The following PPARA variants were observed in gnomAD, a reference collection of about 807,000 sequenced individuals.
PPARA encodes peroxisome proliferator-activated receptor alpha.
A neutral mutation model predicts 42.2 loss-of-function variants in PPARA; 22 were observed. The ratio of observed to expected loss-of-function variants is 0.52; its 90% confidence interval spans 0.37 to 0.74. The LOEUF is 0.74. Ranked by LOEUF, PPARA falls within the 30% of genes least tolerant of loss-of-function variation. The probability of loss-of-function intolerance (pLI) is 0.00; values close to 1 mark genes in which losing one functional copy is unlikely to be tolerated. For missense variants in PPARA, 465 were observed against 608.2 expected (o/e 0.76, Z 2.48); for synonymous variants, 242 against 239.3 (o/e 1.01, Z -0.10).
chr22:46,170,264 G>A (rs991537738), intron 2 of PPARA, among the ~76,000 whole-genome samples: 1 of 150,962 alleles, frequency 6.6e-6, no homozygotes, highest in Non-Finnish European at 1.5e-5. Context: ...GTTTTGTTTT[G>A]TTGAGACACG....
At chr22:46,178,709 C>T (rs1434378722) in intron 3 of PPARA, among the ~76,000 whole-genome samples, 1 of 152,098 alleles carries the variant, frequency 6.6e-6, no homozygotes, top group Non-Finnish European at 1.5e-5. Context: ...GGAACAGTGC[C>T]CAGTACTTGT....
At chr22:46,151,376 C>G (rs750774648) in intron 1 of PPARA, among the ~76,000 whole-genome samples, 1 of 152,350 alleles carries the variant, frequency 6.6e-6, no homozygotes, top group South Asian at 2.1e-4. Context: ...GTCGGGCGCC[C>G]AGGTCTTTCC....
At position 46,160,907 on chromosome 22, in the gene PPARA, CT is replaced by C. The variant is rs1926065934; in HGVS notation, c.-127+8940del. ...TCATGATGTCCAGCCCAGTATTTTTCTTTCACTCTGGAAACCAAAAATTATT... is the reference window on the plus strand; with the variant it reads ...TCATGATGTCCAGCCCAGTATTTTTCTTCACTCTGGAAACCAAAAATTATT... On this transcript the variant is annotated intron_variant, in intron 2 of 8. Coordinates refer to ENST00000407236, the MANE Select transcript of PPARA (RefSeq NM_005036.6). This position sits in a 1 kb window ranked among gnomAD's most constrained non-coding sequence, Gnocchi z 4.5. Among the ~76,000 whole-genome samples, 2 of 152,178 alleles carry C rather than the reference CT, an allele frequency of 1.3e-5. No homozygotes were observed.
At chr22:46,223,725 G>A (rs1053613772) in intron 7 of PPARA, among the ~76,000 whole-genome samples, 6 of 151,558 alleles carry the variant, frequency 4.0e-5, no homozygotes, top group East Asian at 3.9e-4. Context: ...AGAGGAGGGC[G>A]GATTACCTGA....
In PPARA at chr22:46,216,099, T is replaced by C. The variant is rs183034135; in HGVS notation, c.369+766T>C. On this transcript the variant is annotated intron_variant, in intron 5 of 8. Transcript: ENST00000407236. The surrounding 1 kb of genome is among the most constrained non-coding windows in gnomAD (Gnocchi z 4.5). ...TTCTTTAAAAGAAAATAAGTCACATTGGACCGGGTGCAGTGGCTCACGCCT... is the reference window on the plus strand; with the variant it reads ...TTCTTTAAAAGAAAATAAGTCACATCGGACCGGGTGCAGTGGCTCACGCCT... Among the ~76,000 whole-genome samples the C allele has an allele frequency of 1.3e-5, 2 of 152,244 alleles. No individual in the cohort carries two copies. The highest frequency in any genetic ancestry group is 6.5e-5 in the Admixed American group (1 of 15,294).
At chr22:46,198,314 C>A in intron 3 of PPARA, 28 bp from the exon 4 acceptor site, 2 of 1,278,874 alleles carry the variant, frequency 1.6e-6, no homozygotes, top group Non-Finnish European at 2.3e-6. Flanking sequence ...ATACGTCAGT[C>A]TTACCAATTG....
At position 46,242,468 on chromosome 22, in the gene PPARA, A is replaced by T. The variant is rs45576734; in HGVS notation, c.*7088A>T. ...TTGGTAAAGTTACAGTGTTCATGTT[A>T]AATATCACTTTTTTCTACATTGTGT... On this transcript the variant is annotated 3_prime_UTR_variant, in exon 9 of 9. Transcript: ENST00000407236. The surrounding 1 kb of genome is among the most constrained non-coding windows in gnomAD (Gnocchi z 6.1). The T allele has an allele frequency of 1.3e-5, 2 of 152,604 alleles. No homozygotes were observed. The highest frequency in any genetic ancestry group is 1.3e-4 in the Admixed American group (2 of 15,288). 9.5% of individuals were successfully genotyped at this position (152,604 alleles called of 1,614,324 possible). A position where few individuals can be genotyped will look rare whatever the true frequency, so the allele number is the denominator to read the frequency against.
At position 46,224,614 on chromosome 22, in the gene PPARA, C is replaced by T. The variant is rs960648577; in HGVS notation, c.711+4600C>T. On this transcript the variant is annotated intron_variant, in intron 7 of 8. Coordinates refer to ENST00000407236, the MANE Select transcript of PPARA (RefSeq NM_005036.6). The surrounding 1 kb of genome is among the most constrained non-coding windows in gnomAD (Gnocchi z 5.7). ...GAAGGCACACTGACCTCAGGGCCGGCGGCTGACTTCATTTCTGTTTGGGGA... is the reference window on the plus strand; with the variant it reads ...GAAGGCACACTGACCTCAGGGCCGGTGGCTGACTTCATTTCTGTTTGGGGA... 1.4e-4 allele frequency among the ~76,000 whole-genome samples: 21 copies of T among 152,128 alleles called. No homozygotes were observed. Among genetic ancestry groups the T allele is most frequent in the African/African-American group, 4.8e-4 (20 of 41,428 alleles).
At chr22:46,153,022 G>A (rs899916787) in intron 2 of PPARA, among the ~76,000 whole-genome samples, 4 of 152,186 alleles carry the variant, frequency 2.6e-5, no homozygotes, top group African/African-American at 9.7e-5. Context: ...GGAGGTGAAG[G>A]TTTTAGTGAA....
chr22:46,198,300 T>C, intron 3 of PPARA, 42 bp from the exon 4 acceptor site: 2 of 998,330 alleles, frequency 2.0e-6, no homozygotes. Flanking sequence ...AAGTGAACGT[T>C]GTTATACGTC....
At chr22:46,206,594 A>G (rs957473691) in intron 4 of PPARA, among the ~76,000 whole-genome samples, 1 of 152,162 alleles carries the variant, frequency 6.6e-6, no homozygotes, top group Non-Finnish European at 1.5e-5. Context: ...TTATGACAGT[A>G]TACTTTCATT....
At chr22:46,214,941 A>G (rs1461212634) in intron 4 of PPARA, among the ~76,000 whole-genome samples, 1 of 152,122 alleles carries the variant, frequency 6.6e-6, no homozygotes, top group Non-Finnish European at 1.5e-5. Context: ...GCTCGGGGTC[A>G]GCTCAGCAGC....
chr22:46,180,656 C>T lies in PPARA; in HGVS notation c.-43+3820C>T, dbSNP rs750626504. On this transcript the variant is annotated intron_variant, in intron 3 of 8. Transcript: ENST00000407236. The surrounding 1 kb of genome is among the most constrained non-coding windows in gnomAD (Gnocchi z 4.2). ...GCTTCCTGCCTCACATATTTCCTGC[C>T]TCAAGATGCGTAAAAGGTACTTGCC... Among the ~76,000 whole-genome samples, 26 of 152,156 alleles carry T rather than the reference C, an allele frequency of 1.7e-4. No individual in the cohort carries two copies. Among genetic ancestry groups the T allele is most frequent in the Non-Finnish European group, 3.1e-4 (21 of 68,028 alleles).
chr22:46,217,006 A>G (rs1467982890), intron 5 of PPARA, among the ~76,000 whole-genome samples: 1 of 152,146 alleles, frequency 6.6e-6, no homozygotes, highest in Non-Finnish European at 1.5e-5. Context: ...GGCACAATGT[A>G]CCATCTTGGA....
rs1047717476 is a variant in PPARA at position 46,231,470 on chromosome 22, C to T, written c.712-322C>T. On this transcript the variant is annotated intron_variant, in intron 7 of 8. Coordinates refer to ENST00000407236, the MANE Select transcript of PPARA (RefSeq NM_005036.6). This position sits in a 1 kb window ranked among gnomAD's most constrained non-coding sequence, Gnocchi z 7.7. ...TCTTGACCTCAGGTAAACCACCCAC[C>T]TCAGCCTCCCAAAGTTCTGGGATTA... Among the ~76,000 whole-genome samples the T allele has an allele frequency of 2.0e-5, 3 of 152,200 alleles. No individual in the cohort carries two copies. Among genetic ancestry groups the T allele is most frequent in the African/African-American group, 7.2e-5 (3 of 41,440 alleles).
intron 7 of PPARA, among the ~76,000 whole-genome samples, chr22:46,229,550 C>T (rs1404185987): frequency 2.7e-5 from 4 of 150,352 alleles, no homozygotes; most frequent in Non-Finnish European, 5.9e-5. Flanking sequence ...CAGAGCAAGA[C>T]TCTGTCTCAA....
In PPARA at chr22:46,224,204, C is replaced by T. The variant is rs1019155398; in HGVS notation, c.711+4190C>T. On this transcript the variant is annotated intron_variant, in intron 7 of 8. Transcript: ENST00000407236. This position sits in a 1 kb window ranked among gnomAD's most constrained non-coding sequence, Gnocchi z 5.7. ...CCCACCCCATGTCCTTGTCTGCGCACGGGACGCTGGAGGCACGGCCCCCTC... is the reference window on the plus strand; with the variant it reads ...CCCACCCCATGTCCTTGTCTGCGCATGGGACGCTGGAGGCACGGCCCCCTC... Among the ~76,000 whole-genome samples, 18 of 152,328 alleles carry T rather than the reference C, an allele frequency of 1.2e-4. No homozygotes were observed. The highest frequency in any genetic ancestry group is 4.1e-4 in the African/African-American group (17 of 41,572).
intron 2 of PPARA, chr22:46,164,112 A>G (rs62225951): frequency 0.12 from 18,098 of 151,768 alleles, 1,155 homozygotes; most frequent in South Asian, 0.15. Context: ...CCAGCTACTC[A>G]GGAGGCTGAG....
At chr22:46,198,049 G>A (rs1294938677) in intron 3 of PPARA, among the ~76,000 whole-genome samples, 1 of 148,978 alleles carries the variant, frequency 6.7e-6, no homozygotes, top group African/African-American at 2.5e-5. Flanking sequence ...GGCTAACACA[G>A]TGAAACCCGT....
Sources: allele counts gnomAD v4.1 joint callset (sites outside exome capture counted in the v4.1 genomes callset), GRCh38; gene constraint gnomAD v4.1.1; non-coding constraint Gnocchi (gnomAD v3.1); transcripts MANE v1.5; gene names NCBI Gene and HGNC (gene_info 2026-07-23, HGNC 2026-07-21).